GSTCD: variants seen among roughly 807,000 people sequenced by gnomAD.
GSTCD encodes the protein glutathione S-transferase C-terminal domain-containing protein.
A neutral mutation model predicts 68.3 loss-of-function variants in GSTCD; 44 were observed. That is an observed-to-expected ratio of 0.64 (90% CI 0.51 to 0.83). GSTCD has a LOEUF of 0.83. Among genes scored for constraint, GSTCD ranks in the 40% least tolerant of loss-of-function variants. The pLI is 0.00. For synonymous variants in GSTCD, 273 were observed against 255.2 expected (o/e 1.07, Z -0.67); for missense variants, 739 against 735.9 (o/e 1.00, Z -0.05).
chr4:105,795,942 G>A (rs187369005), intron 5 of GSTCD, among the ~76,000 whole-genome samples: 2 of 151,020 alleles, frequency 1.3e-5, no homozygotes, highest in East Asian at 1.9e-4. Flanking sequence ...CTGTAGAATC[G>A]AGCTTTCACT....
chr4:105,756,603 A>C (rs1207819631), intron 5 of GSTCD, among the ~76,000 whole-genome samples: 1 of 146,858 alleles, frequency 6.8e-6, no homozygotes, highest in Non-Finnish European at 1.5e-5. Flanking sequence ...TATATATATA[A>C]TATGTCTTAT....
chr4:105,747,303 A>G (rs1389350322), intron 5 of GSTCD, among the ~76,000 whole-genome samples: 2 of 152,250 alleles, frequency 1.3e-5, no homozygotes, highest in Non-Finnish European at 2.9e-5. Context: ...CTAAATCATT[A>G]CTTTTCAAAC....
intron 5 of GSTCD, among the ~76,000 whole-genome samples, chr4:105,751,698 G>A (rs1205372493): frequency 1.3e-5 from 2 of 151,524 alleles, no homozygotes; most frequent in Non-Finnish European, 2.9e-5. Context: ...GACATCTTGA[G>A]GATGTTATGG....
At chr4:105,821,479 G>C (rs1290781729) in intron 5 of GSTCD, among the ~76,000 whole-genome samples, 1 of 151,834 alleles carries the variant, frequency 6.6e-6, no homozygotes, top group East Asian at 1.9e-4. Flanking sequence ...TCTTTTAAAA[G>C]CTACATGAAT....
chr4:105,715,012 C>G (rs1578403897), intron 1 of GSTCD, among the ~76,000 whole-genome samples: 1 of 152,078 alleles, frequency 6.6e-6, no homozygotes, highest in Non-Finnish European at 1.5e-5. Context: ...GGATGAGCCT[C>G]GTAATTACTA....
chr4:105,797,590 T>C (rs566164012), intron 5 of GSTCD, among the ~76,000 whole-genome samples: 2 of 152,224 alleles, frequency 1.3e-5, no homozygotes, highest in South Asian at 2.1e-4. Context: ...CTTGCCTTGA[T>C]GTTGATGGCT....
chr4:105,827,985 A>G (rs1301725630), intron 8 of GSTCD, among the ~76,000 whole-genome samples: 1 of 152,124 alleles, frequency 6.6e-6, no homozygotes, highest in Non-Finnish European at 1.5e-5. Flanking sequence ...ATAAAGGGTC[A>G]TGACTATGGA....
intron 5 of GSTCD, among the ~76,000 whole-genome samples, chr4:105,785,771 A>C (rs1019598250): frequency 1.3e-5 from 2 of 152,160 alleles, no homozygotes; most frequent in Non-Finnish European, 2.9e-5. Context: ...AAAAAGGAAA[A>C]AAAAAGGCCT....
intron 8 of GSTCD, among the ~76,000 whole-genome samples, chr4:105,833,775 T>G (rs898152241): frequency 1.3e-4 from 19 of 143,704 alleles, no homozygotes; most frequent in African/African-American, 3.8e-4. Context: ...GGATATGTGT[T>G]TTAAAAACAC....
intron 9 of GSTCD, 47 bp from the exon 10 acceptor site, chr4:105,837,812 C>A: frequency 1.3e-6 from 1 of 785,078 alleles, no homozygotes; most frequent in Non-Finnish European, 2.0e-6. Flanking sequence ...GATTATCTTA[C>A]TCTTAATATT....
intron 5 of GSTCD, among the ~76,000 whole-genome samples, chr4:105,760,044 A>G (rs1014659018): frequency 6.6e-6 from 1 of 151,954 alleles, no homozygotes; most frequent in African/African-American, 2.4e-5. Flanking sequence ...CAGGAAACCT[A>G]TGTGTTCTCT....
At chr4:105,748,400 T>C (rs1288942364) in intron 5 of GSTCD, among the ~76,000 whole-genome samples, 2 of 152,228 alleles carry the variant, frequency 1.3e-5, no homozygotes, top group Non-Finnish European at 2.9e-5. Flanking sequence ...TATATTTAGC[T>C]TTGAAATTCA....
At chr4:105,737,332 T>C (rs969087601) in intron 5 of GSTCD, among the ~76,000 whole-genome samples, 21 of 152,214 alleles carry the variant, frequency 1.4e-4, no homozygotes, top group African/African-American at 4.6e-4. Context: ...TGACTACTTA[T>C]TTATTTTTGC....
chr4:105,765,710 G>T (rs189897027), intron 5 of GSTCD, among the ~76,000 whole-genome samples: 1 of 152,260 alleles, frequency 6.6e-6, no homozygotes, highest in Non-Finnish European at 1.5e-5. Flanking sequence ...CACATGTTGC[G>T]GGAGGGACCT....
At chr4:105,710,156 A>G (rs991419926) in intron 1 of GSTCD, among the ~76,000 whole-genome samples, 1 of 150,756 alleles carries the variant, frequency 6.6e-6, no homozygotes, top group Non-Finnish European at 1.5e-5. Flanking sequence ...TATTTTATAT[A>G]CTTTGCACTT....
chr4:105,748,646 A>G (rs369132055), intron 5 of GSTCD, among the ~76,000 whole-genome samples: 2 of 152,086 alleles, frequency 1.3e-5, no homozygotes, highest in African/African-American at 4.8e-5. Context: ...CATGTTTGCT[A>G]TTTGCTTAAT....
At position 105,834,526 on chromosome 4, in the gene GSTCD, T is replaced by G. The variant is rs1448075535; in HGVS notation, c.1596T>G (p.Ala532=). The change falls in exon 9 of 12, where the codon GCT becomes GCG. Residue 532 remains alanine (A), a synonymous_variant. Transcript: ENST00000515279. ...TTGAGCACTGTATCAAAACACGGGC[T>G]TCCTTCGTCACATGCCCTTGCTGTT... ...MVIEHCIKTR[A]SFVTCPCCYG... 4 of 1,613,980 alleles carry G rather than the reference T, an allele frequency of 2.5e-6. No individual in the cohort carries two copies. Among genetic ancestry groups the G allele is most frequent in the Admixed American group, 3.3e-5 (2 of 60,004 alleles).
At chr4:105,805,133 T>A (rs925896050) in intron 5 of GSTCD, among the ~76,000 whole-genome samples, 10 of 152,138 alleles carry the variant, frequency 6.6e-5, no homozygotes, top group Non-Finnish European at 1.3e-4. Flanking sequence ...GTGTTAAAAC[T>A]GATAGGGCTA....
At chr4:105,831,081 A>G (rs1723874129) in intron 8 of GSTCD, among the ~76,000 whole-genome samples, 1 of 152,204 alleles carries the variant, frequency 6.6e-6, no homozygotes, top group African/African-American at 2.4e-5. Flanking sequence ...TGTACAAAAC[A>G]GGGACTTTTA....
Sources: gnomAD v4.1 joint callset for allele counts (sites outside exome capture counted in the v4.1 genomes callset) on GRCh38, gnomAD v4.1.1 for gene constraint, MANE v1.5 for transcripts, NCBI Gene and HGNC (gene_info 2026-07-23, HGNC 2026-07-21) for gene names.